Variants in GNG2 observed in about 807,000 individuals in gnomAD.
GNG2 encodes the protein G protein subunit gamma 2.
A neutral mutation model predicts 5.5 loss-of-function variants in GNG2; 5 were observed. That is an observed-to-expected ratio of 0.91 (90% confidence interval 0.48 to 1.92). The LOEUF is 1.92. Ranked by LOEUF, GNG2 falls within the 30% of genes most tolerant of loss-of-function variation. GNG2 has a pLI of 0.01. For synonymous variants in GNG2, 28 were observed against 32.0 expected (o/e 0.88, Z 0.42); for missense variants, 55 against 88.4 (o/e 0.62, Z 1.52).
At chr14:51,930,796 A>G (rs1172239999) in intron 2 of GNG2, among the ~76,000 whole-genome samples, 2 of 152,170 alleles carry the variant, frequency 1.3e-5, no homozygotes, top group Non-Finnish European at 2.9e-5. Flanking sequence ...GCTTCCAATC[A>G]TGGTGGAAGG....
chr14:51,844,990 G>T (rs1229227995), intron 2 of GNG2, among the ~76,000 whole-genome samples: 2 of 152,008 alleles, frequency 1.3e-5, no homozygotes, highest in Non-Finnish European at 2.9e-5. Context: ...CTCCCAAAGT[G>T]CTGGGATTAC....
At chr14:51,949,558 C>A (rs1007505191) in intron 2 of GNG2, among the ~76,000 whole-genome samples, 4 of 152,094 alleles carry the variant, frequency 2.6e-5, no homozygotes, top group African/African-American at 9.7e-5. Flanking sequence ...ATCTTCAGAA[C>A]AAGATTCCAT....
At chr14:51,933,236 CAG>C (rs1173001054) in intron 2 of GNG2, among the ~76,000 whole-genome samples, 1 of 152,218 alleles carries the variant, frequency 6.6e-6, no homozygotes, top group Admixed American at 6.5e-5. Flanking sequence ...CAAACCAAGA[CAG>C]GGGTCAAATA....
chr14:51,929,227 C>A (rs974581015), intron 2 of GNG2, among the ~76,000 whole-genome samples: 5 of 152,192 alleles, frequency 3.3e-5, no homozygotes, highest in Non-Finnish European at 1.5e-5. Context: ...AGTAACCTGG[C>A]TTAGATACAG....
At chr14:51,842,073 C>T (rs1490924742) in intron 2 of GNG2, among the ~76,000 whole-genome samples, 3 of 152,048 alleles carry the variant, frequency 2.0e-5, no homozygotes, top group Non-Finnish European at 4.4e-5. Flanking sequence ...AGTTGGTTAC[C>T]ATGATGTCAT....
chr14:51,874,436 A>AC (rs1883519376), intron 1 of GNG2, among the ~76,000 whole-genome samples: 1 of 151,606 alleles, frequency 6.6e-6, no homozygotes, highest in Non-Finnish European at 1.5e-5. Context: ...AAAAAAAAAA[A>AC]AAAAAACAGT....
At chr14:51,948,976 C>T (rs908490098) in intron 2 of GNG2, among the ~76,000 whole-genome samples, 1 of 151,986 alleles carries the variant, frequency 6.6e-6, no homozygotes, top group African/African-American at 2.4e-5. Flanking sequence ...AAAAAATTAG[C>T]CAGGTGTGGT....
intron 2 of GNG2, among the ~76,000 whole-genome samples, chr14:51,946,213 A>C (rs937812834): frequency 1.3e-5 from 2 of 152,230 alleles, no homozygotes; most frequent in Admixed American, 1.3e-4. Flanking sequence ...CCAGCAACAT[A>C]GTATTCAAAA....
At chr14:51,857,838 G>A (rs1226355056), upstream of GNG2, among the ~76,000 whole-genome samples, 3 of 152,192 alleles carry the variant, frequency 2.0e-5, no homozygotes, top group Admixed American at 2.0e-4. Flanking sequence ...AATATAGAAA[G>A]AGGAACAGGC....
chr14:51,884,032 G>C (rs1488237173), intron 2 of GNG2, among the ~76,000 whole-genome samples: 1 of 152,084 alleles, frequency 6.6e-6, no homozygotes, highest in African/African-American at 2.4e-5. Context: ...TGTAGCCTCA[G>C]TGCCTAGAGG....
At chr14:51,938,375 G>A (rs147812655) in intron 2 of GNG2, among the ~76,000 whole-genome samples, 93 of 152,278 alleles carry the variant, frequency 6.1e-4, no homozygotes, top group African/African-American at 2.1e-3. Flanking sequence ...AGGTCACAGT[G>A]TTTAGTAGTT....
intron 2 of GNG2, among the ~76,000 whole-genome samples, chr14:51,885,033 G>A (rs1286504834): frequency 6.6e-6 from 1 of 152,174 alleles, no homozygotes; most frequent in Non-Finnish European, 1.5e-5. Flanking sequence ...AGGGGAGGCG[G>A]AGAGAGTCAG....
intron 2 of GNG2, among the ~76,000 whole-genome samples, chr14:51,908,550 C>CTATCTATG (rs1268322923): frequency 1.3e-5 from 2 of 151,606 alleles, no homozygotes; most frequent in Non-Finnish European, 1.5e-5. Context: ...ATCTATCTAT[C>CTATCTATG]TATCTATCTA....
At chr14:51,874,374 A>G (rs1250184681) in intron 1 of GNG2, among the ~76,000 whole-genome samples, 6 of 151,004 alleles carry the variant, frequency 4.0e-5, no homozygotes, top group African/African-American at 1.5e-4. Context: ...GCAGTTAGCC[A>G]AGATTGTGCC....
chr14:51,902,132 C>T (rs1011557762), intron 2 of GNG2, among the ~76,000 whole-genome samples: 7 of 151,946 alleles, frequency 4.6e-5, no homozygotes, highest in African/African-American at 1.7e-4. Flanking sequence ...GATTTTATCA[C>T]ATATTGATAT....
At chr14:51,928,429 G>A (rs889915164) in intron 2 of GNG2, among the ~76,000 whole-genome samples, 8 of 152,092 alleles carry the variant, frequency 5.3e-5, no homozygotes, top group Non-Finnish European at 1.0e-4. Context: ...GTTTTCTAGA[G>A]GCACTGAGCC....
At chr14:51,830,215 G>A (rs957931539) in intron 2 of GNG2, among the ~76,000 whole-genome samples, 1 of 152,100 alleles carries the variant, frequency 6.6e-6, no homozygotes, top group Non-Finnish European at 1.5e-5. Flanking sequence ...CCTTCTCTAC[G>A]ATTAGCCATT....
chr14:51,929,128 T>C (rs1887511944), intron 2 of GNG2, among the ~76,000 whole-genome samples: 1 of 152,222 alleles, frequency 6.6e-6, no homozygotes, highest in Non-Finnish European at 1.5e-5. Context: ...AGTGACTCTC[T>C]AATGGTAAAG....
intron 1 of GNG2, among the ~76,000 whole-genome samples, chr14:51,870,213 C>T (rs1883204205): frequency 6.6e-6 from 1 of 151,810 alleles, no homozygotes. Context: ...TATAACAAAC[C>T]TGCACGTGTA....
Sources: allele counts gnomAD v4.1 joint callset (sites outside exome capture counted in the v4.1 genomes callset), GRCh38; gene constraint gnomAD v4.1.1; transcripts MANE v1.5; gene names NCBI Gene and HGNC (gene_info 2026-07-23, HGNC 2026-07-21).